Variants in CR1 observed in about 807,000 individuals in gnomAD.
CR1 encodes the protein complement receptor type 1.
In CR1, 116 loss-of-function variants were observed where a neutral mutation model predicts 187.3. That is an observed-to-expected ratio of 0.62 (90% CI 0.53 to 0.72). The LOEUF (loss-of-function observed/expected upper bound fraction) is 0.72, where lower values mean the gene tolerates loss of function less well. CR1 is among the 30% of genes least tolerant of loss of function. The pLI is 0.00. For missense variants in CR1, 1,731 were observed against 2,110.7 expected (o/e 0.82, Z 3.52); for synonymous variants, 576 against 747.1 (o/e 0.77, Z 3.73).
chr1:207,635,753 G>T (rs1454516508), intron 46 of CR1, among the ~76,000 whole-genome samples: 3 of 152,226 alleles, frequency 2.0e-5, no homozygotes, highest in Non-Finnish European at 4.4e-5. Context: ...ACAATACCTG[G>T]ATTTCCTAGA....
At chr1:207,525,035 G>C (rs1284951997) in intron 5 of CR1, among the ~76,000 whole-genome samples, 3 of 152,020 alleles carry the variant, frequency 2.0e-5, no homozygotes, top group Non-Finnish European at 4.4e-5. Context: ...GAGGAAGCAC[G>C]CATATCTTCA....
In CR1 at chr1:207,609,494, G is replaced by T. The variant is rs370975278; in HGVS notation, c.6101G>T (p.Arg2034Leu). 8.7e-6 allele frequency: 14 copies of T among 1,613,770 alleles called. No individual in the cohort carries two copies. Among genetic ancestry groups the T allele is most frequent in the South Asian group, 3.3e-5 (3 of 91,070 alleles). The change falls in exon 37 of 47, where the codon CGG becomes CTG. Residue 2034 changes from arginine (R) to leucine (L), a missense_variant. Arg to Leu is a moderately radical substitution (Grantham distance 102). Transcript: ENST00000367049. ...GGTGTTTGGAGCAGCCCTCCCCCTCGGTGTATTTCTACTAATAAATGCACA... is the reference window on the plus strand; with the variant it reads ...GGTGTTTGGAGCAGCCCTCCCCCTCTGTGTATTTCTACTAATAAATGCACA... ...QVGVWSSPPP[R>L]CISTNKCTAP...
chr1:207,574,538 A>C (rs1286090481), intron 27 of CR1, among the ~76,000 whole-genome samples: 3 of 152,178 alleles, frequency 2.0e-5, no homozygotes. Context: ...TCTCAATGAG[A>C]TAGGATATTG....
intron 23 of CR1, among the ~76,000 whole-genome samples, chr1:207,564,979 G>A (rs1175354444): frequency 6.7e-6 from 1 of 150,180 alleles, no homozygotes; most frequent in Non-Finnish European, 1.5e-5. Context: ...GTAAAAATCA[G>A]CATTTTTTTA....
chr1:207,598,638 T>G (rs1206624818), intron 35 of CR1, among the ~76,000 whole-genome samples: 1 of 152,192 alleles, frequency 6.6e-6, no homozygotes. Context: ...CAGGATGGTC[T>G]TGATCTCTTG....
chr1:207,566,942 G>C (rs1344263130), intron 24 of CR1, among the ~76,000 whole-genome samples: 1 of 150,288 alleles, frequency 6.7e-6, no homozygotes, highest in Non-Finnish European at 1.5e-5. Flanking sequence ...CTTATATAGA[G>C]ATTCTTGCTG....
At chr1:207,507,866 A>G (rs568067874) in intron 3 of CR1, among the ~76,000 whole-genome samples, 89 of 152,348 alleles carry the variant, frequency 5.8e-4, no homozygotes, top group African/African-American at 2.1e-3. Context: ...ATAATTGCCA[A>G]AACTTGGAAG....
At chr1:207,598,313 A>C (rs373562707) in intron 35 of CR1, among the ~76,000 whole-genome samples, 1 of 152,336 alleles carries the variant, frequency 6.6e-6, no homozygotes, top group South Asian at 2.1e-4. Context: ...GGAAAGAAAA[A>C]AACAGATAAC....
intron 4 of CR1, among the ~76,000 whole-genome samples, chr1:207,522,710 A>G (rs1382230788): frequency 5.3e-5 from 8 of 152,228 alleles, no homozygotes; most frequent in African/African-American, 1.4e-4. Context: ...TTTTATTTGA[A>G]CTGTTGAGAT....
chr1:207,514,990 T>TACACACAC (rs1291025866), intron 4 of CR1, among the ~76,000 whole-genome samples: 59 of 127,566 alleles, frequency 4.6e-4, no homozygotes, highest in African/African-American at 1.9e-3. Flanking sequence ...CATATATATA[T>TACACACAC]ATATACACAC....
At chr1:207,601,277 T>C (rs1403876864) in intron 35 of CR1, among the ~76,000 whole-genome samples, 1 of 152,144 alleles carries the variant, frequency 6.6e-6, no homozygotes, top group Non-Finnish European at 1.5e-5. Flanking sequence ...GATAAAAATA[T>C]TATATCTTCT....
Position 207,619,830 on chromosome 1 carries a change from G to A in CR1, c.7067-50G>A, listed in dbSNP as rs778213378. ...TTTCTCCTATTCTCGCAGTTAAAAC[G>A]GACAATCAACAATAAAATATCAATT... On this transcript the variant is annotated intron_variant, in intron 42 of 46. Transcript: ENST00000367049. The A allele has an allele frequency of 2.4e-4, 362 of 1,496,050 alleles. 2 individuals are homozygous for A. Among genetic ancestry groups the A allele is most frequent in the Non-Finnish European group, 3.0e-4 (330 of 1,108,942 alleles). 92.7% of individuals were successfully genotyped at this position (1,496,050 alleles called of 1,614,324 possible).
In CR1 at chr1:207,587,429, G is replaced by C. The variant is rs201955068; in HGVS notation, c.5574G>C (p.Thr1858=). The C allele has an allele frequency of 6.2e-7, 1 of 1,613,886 alleles. No individual in the cohort carries two copies. The highest frequency in any genetic ancestry group is 8.5e-7 in the Non-Finnish European group (1 of 1,179,798). The stretch of plus-strand genomic sequence containing the variant: ...AGCAGTTTCCATTTGCCAGTCCTAC[G>C]ATCCCAATTAATGACTTTGAGTTTC... ...TPEQFPFASP[T]IPINDFEFPV... Residue 1858 remains threonine (T), a synonymous_variant, in exon 34 of 47, where the codon ACG becomes ACC. Transcript: ENST00000367049.
intron 39 of CR1, 43 bp from the exon 40 acceptor site, chr1:207,614,361 T>A (rs1558268528): frequency 1.4e-6 from 2 of 1,468,938 alleles, no homozygotes; most frequent in Non-Finnish European, 1.9e-6. Flanking sequence ...AAGGGAGAGA[T>A]GGGAATTGCT....
chr1:207,627,077 A>G (rs1300348336), intron 45 of CR1, among the ~76,000 whole-genome samples: 1 of 152,036 alleles, frequency 6.6e-6, no homozygotes, highest in Non-Finnish European at 1.5e-5. Context: ...ATAAAACAAG[A>G]AAAGAAACTA....
chr1:207,577,908 T>C lies in CR1; in HGVS notation c.4641T>C (p.Leu1547=). The change falls in exon 29 of 47, where the codon CTT becomes CTC. Residue 1547 remains leucine, a synonymous_variant. Transcript: ENST00000367049. The part of the protein sequence containing the change: ...YGSVVTYRCN[L]GSRGRKVFEL... The stretch of plus-strand genomic sequence containing the variant: ...CAGTGGTGACCTACCGCTGCAATCT[T>C]GGAAGCAGAGGGAGAAAGGTGTTTG... 6.2e-7 allele frequency: 1 copy of C among 1,612,970 alleles called. No individual in the cohort carries two copies. Among genetic ancestry groups the C allele is most frequent in the Non-Finnish European group, 8.5e-7 (1 of 1,179,790 alleles).
At chr1:207,526,596 T>C (rs1289234241) in intron 5 of CR1, among the ~76,000 whole-genome samples, 157 bp from the exon 6 acceptor site, 1 of 151,194 alleles carries the variant, frequency 6.6e-6, no homozygotes, top group East Asian at 1.9e-4. Context: ...CAAGACATCT[T>C]CCTTGCCCTG....
At chr1:207,589,206 G>C (rs967372499) in intron 35 of CR1, among the ~76,000 whole-genome samples, 3 of 152,200 alleles carry the variant, frequency 2.0e-5, no homozygotes, top group Non-Finnish European at 4.4e-5. Context: ...GGAAGAGTAT[G>C]CATCAAAGTG....
intron 1 of CR1, among the ~76,000 whole-genome samples, chr1:207,501,167 T>C (rs1479523933): frequency 6.6e-6 from 1 of 152,216 alleles, no homozygotes; most frequent in African/African-American, 2.4e-5. Context: ...TCGGGTTATA[T>C]GAAATTTTAG....
Sources: allele counts gnomAD v4.1 joint callset (sites outside exome capture counted in the v4.1 genomes callset), GRCh38; gene constraint gnomAD v4.1.1; transcripts MANE v1.5; gene names NCBI Gene and HGNC (gene_info 2026-07-23, HGNC 2026-07-21).